Variants in ANKRD29 observed in about 807,000 individuals in gnomAD.
The protein encoded by ANKRD29 is ankyrin repeat domain-containing protein 29.
In ANKRD29, 32 loss-of-function variants were observed where a neutral mutation model predicts 38.0. The ratio of observed to expected loss-of-function variants is 0.84; its 90% CI spans 0.64 to 1.13. The LOEUF is 1.13. ANKRD29 is among the 50% of genes most tolerant of loss of function. The pLI is 0.00. For missense variants in ANKRD29, 357 were observed against 377.9 expected, an observed-to-expected ratio of 0.94 and a Z score of 0.46; for synonymous variants, 135 against 152.4, an observed-to-expected ratio of 0.89 and a Z score of 0.84.
intron 5 of ANKRD29, among the ~76,000 whole-genome samples, chr18:23,630,494 AC>A (rs1291370009): frequency 3.9e-5 from 6 of 151,902 alleles, no homozygotes; most frequent in Non-Finnish European, 8.8e-5. Flanking sequence ...GGTGCTGCAT[AC>A]CTGTAATCCC....
Position 23,656,092 on chromosome 18 carries a change from C to CAA in ANKRD29, c.21+6616_21+6617dup, listed in dbSNP as rs1288367761. 5.4e-3 allele frequency among the ~76,000 whole-genome samples: 345 copies of CAA among 64,460 alleles called. 4 individuals are homozygous for CAA. Among genetic ancestry groups the CAA allele is most frequent in the African/African-American group, 0.015 (323 of 21,172 alleles). The allele number at this position is 64,460 out of a possible 152,430, so 42.3% of individuals were successfully genotyped here. On this transcript the variant is annotated intron_variant, in intron 1 of 9. Transcript: ENST00000592179. ...TGGGCGACAGAGCGAGACTCCGTCT[C>CAA]AAAAAAAAAAAAAAAAAAGATAATT...
chr18:23,622,512 C>T (rs190366139), intron 6 of ANKRD29, among the ~76,000 whole-genome samples: 12 of 152,292 alleles, frequency 7.9e-5, no homozygotes, highest in African/African-American at 2.4e-4. Context: ...ACAATTGAAA[C>T]TAATATGTGG....
intron 5 of ANKRD29, among the ~76,000 whole-genome samples, chr18:23,630,598 G>T (rs1457568041): frequency 2.0e-5 from 3 of 152,006 alleles, no homozygotes; most frequent in African/African-American, 7.2e-5. Flanking sequence ...TCCAGCCTGG[G>T]CAACAGAGTG....
chr18:23,625,691 T>C (rs1284135330), intron 6 of ANKRD29, among the ~76,000 whole-genome samples: 1 of 152,146 alleles, frequency 6.6e-6, no homozygotes, highest in Non-Finnish European at 1.5e-5. Flanking sequence ...TATTTAATTA[T>C]CACAGTAGTC....
At chr18:23,622,130 G>A (rs2059804261) in intron 6 of ANKRD29, among the ~76,000 whole-genome samples, 1 of 152,166 alleles carries the variant, frequency 6.6e-6, no homozygotes, top group African/African-American at 2.4e-5. Flanking sequence ...TCAGTGTCCT[G>A]GATAGAGTGC....
At chr18:23,616,550 G>A (rs894744336) in intron 8 of ANKRD29, among the ~76,000 whole-genome samples, 3 of 134,152 alleles carry the variant, frequency 2.2e-5, no homozygotes, top group East Asian at 2.2e-4. Context: ...TATATATATA[G>A]TATATATATA....
Position 23,648,681 on chromosome 18 carries a change from T to G in ANKRD29, c.132+402A>C, listed in dbSNP as rs1354499132. 46 of 393,102 alleles carry G rather than the reference T, an allele frequency of 1.2e-4. 1 individual carries two copies. Among genetic ancestry groups the G allele is most frequent in the Non-Finnish European group, 2.1e-4 (46 of 223,404 alleles). The allele number at this position is 393,102 out of a possible 1,614,324, so 24.4% of individuals were successfully genotyped here. A position where few individuals can be genotyped will look rare whatever the true frequency, so the allele number is the denominator to read the frequency against. ...AAAATCCTGGGGGAGGCTTCAATTTTTGTTTTCTCATCCTTGTAGAAGAAA... is the reference window on the plus strand; with the variant it reads ...AAAATCCTGGGGGAGGCTTCAATTTGTGTTTTCTCATCCTTGTAGAAGAAA... On this transcript the variant is annotated intron_variant, in intron 2 of 9. Transcript: ENST00000592179.
intron 9 of ANKRD29, among the ~76,000 whole-genome samples, chr18:23,603,179 G>A (rs2059534371): frequency 6.6e-6 from 1 of 152,130 alleles, no homozygotes; most frequent in African/African-American, 2.4e-5. Context: ...ATGCAATGTG[G>A]GATTTGAAAC....
intron 1 of ANKRD29, among the ~76,000 whole-genome samples, chr18:23,652,026 A>G (rs1320997060): frequency 2.0e-5 from 3 of 152,154 alleles, no homozygotes; most frequent in African/African-American, 7.2e-5. Context: ...TGAAGATTGG[A>G]AACACCGTAC....
intron 8 of ANKRD29, among the ~76,000 whole-genome samples, chr18:23,617,522 G>C (rs959460341): frequency 2.7e-5 from 4 of 150,070 alleles, no homozygotes; most frequent in African/African-American, 9.8e-5. Context: ...TGCAAAACTA[G>C]GTAATGACAG....
chr18:23,648,403 A>G (rs2060167197), intron 2 of ANKRD29: 1 of 152,704 alleles, frequency 6.5e-6, no homozygotes, highest in Non-Finnish European at 1.5e-5. Flanking sequence ...TTTTCAGGAA[A>G]ACAAAGCTCC....
chr18:23,611,770 A>G (rs2059645011), intron 9 of ANKRD29, among the ~76,000 whole-genome samples: 1 of 152,042 alleles, frequency 6.6e-6, no homozygotes, highest in South Asian at 2.1e-4. Flanking sequence ...CCATTTGTAA[A>G]TGACCGGCTT....
At chr18:23,618,594 T>G (rs923679263) in intron 7 of ANKRD29, 1 of 151,992 alleles carries the variant, frequency 6.6e-6, no homozygotes, top group African/African-American at 2.4e-5. Flanking sequence ...AAAAATAAAA[T>G]AAAATCTGCT....
intron 6 of ANKRD29, among the ~76,000 whole-genome samples, 174 bp downstream of exon 6, chr18:23,629,679 G>C (rs944620339): frequency 6.6e-6 from 1 of 152,232 alleles, no homozygotes; most frequent in African/African-American, 2.4e-5. Flanking sequence ...GGCCAGCTCA[G>C]AGCATAGAAC....
At chr18:23,611,957 C>A in intron 9 of ANKRD29, 135 bp downstream of exon 9, 1 of 711,052 alleles carries the variant, frequency 1.4e-6, no homozygotes, top group Non-Finnish European at 2.3e-6. Flanking sequence ...TAATCACCTA[C>A]TAACAGCAAC....
intron 9 of ANKRD29, among the ~76,000 whole-genome samples, chr18:23,611,456 G>T (rs774243464): frequency 6.6e-6 from 1 of 152,226 alleles, no homozygotes; most frequent in African/African-American, 2.4e-5. Flanking sequence ...GGCCGAGGTG[G>T]GTGGATCACT....
intron 9 of ANKRD29, among the ~76,000 whole-genome samples, chr18:23,605,433 C>T (rs898805691): frequency 1.3e-5 from 2 of 151,970 alleles, no homozygotes; most frequent in African/African-American, 4.8e-5. Context: ...AACTCCTGGC[C>T]TCAAGCAGTC....
chr18:23,642,554 T>C (rs1055807123), intron 3 of ANKRD29, among the ~76,000 whole-genome samples: 2 of 152,192 alleles, frequency 1.3e-5, no homozygotes, highest in Non-Finnish European at 2.9e-5. Flanking sequence ...GCATGGGACC[T>C]GGGCTGGTAG....
At chr18:23,633,356 T>C (rs1253367054) in intron 5 of ANKRD29, among the ~76,000 whole-genome samples, 1 of 152,228 alleles carries the variant, frequency 6.6e-6, no homozygotes, top group Admixed American at 6.5e-5. Context: ...TCACAAATAC[T>C]ACAACAGTAT....
Sources: gnomAD v4.1 joint callset for allele counts (sites outside exome capture counted in the v4.1 genomes callset) on GRCh38, gnomAD v4.1.1 for gene constraint, MANE v1.5 for transcripts, NCBI Gene and HGNC (gene_info 2026-07-23, HGNC 2026-07-21) for gene names.